The following SPAST variants were observed in gnomAD, a reference collection of about 807,000 sequenced individuals.
The protein encoded by SPAST is spastin.
In SPAST, 30 loss-of-function variants were observed where a neutral mutation model predicts 76.6. The ratio of observed to expected loss-of-function variants is 0.39; its 90% CI spans 0.29 to 0.53. SPAST has a LOEUF of 0.53. SPAST is among the 20% of genes least tolerant of loss of function. SPAST has a pLI of 0.68. For missense variants in SPAST, 717 were observed against 770.5 expected, an observed-to-expected ratio of 0.93 and a Z score of 0.82; for synonymous variants, 305 against 281.0, an observed-to-expected ratio of 1.09 and a Z score of -0.86.
chr2:32,089,199 A>ATT (rs375585004), intron 2 of SPAST, among the ~76,000 whole-genome samples: 5 of 89,910 alleles, frequency 5.6e-5, no homozygotes, highest in Non-Finnish European at 4.7e-5. Context: ...TGCTCGGCTA[A>ATT]TTTTTTTTTT....
At chr2:32,135,431 G>C (rs1223527281) in intron 9 of SPAST, among the ~76,000 whole-genome samples, 2 of 152,048 alleles carry the variant, frequency 1.3e-5, no homozygotes, top group Non-Finnish European at 1.5e-5. Context: ...GCCCGGCCTA[G>C]AATATTTGTT....
intron 12 of SPAST, among the ~76,000 whole-genome samples, chr2:32,140,732 C>T (rs1021555042): frequency 4.0e-5 from 6 of 151,698 alleles, no homozygotes; most frequent in African/African-American, 7.3e-5. Context: ...GCCTCGCCAA[C>T]GTGGCAAAAC....
At chr2:32,098,212 T>C (rs1677993777) in intron 3 of SPAST, among the ~76,000 whole-genome samples, 1 of 152,076 alleles carries the variant, frequency 6.6e-6, no homozygotes, top group African/African-American at 2.4e-5. Flanking sequence ...ATGTCTGTAA[T>C]CCCTGCACTT....
intron 4 of SPAST, among the ~76,000 whole-genome samples, chr2:32,107,869 C>T (rs1458228689): frequency 6.6e-6 from 1 of 152,118 alleles, no homozygotes; most frequent in Admixed American, 6.5e-5. Context: ...TTATTAGTGT[C>T]ACTCACTTCT....
intron 12 of SPAST, 127 bp from the exon 13 acceptor site, chr2:32,141,777 C>T (rs976925999): frequency 1.4e-6 from 1 of 700,158 alleles, no homozygotes; most frequent in African/African-American, 1.8e-5. Flanking sequence ...AATATTTTTA[C>T]ATTGATAACT....
At chr2:32,147,781 A>G (rs1297049917) in intron 16 of SPAST, among the ~76,000 whole-genome samples, 2 of 150,986 alleles carry the variant, frequency 1.3e-5, no homozygotes, top group Non-Finnish European at 2.9e-5. Flanking sequence ...ACAGGCGCCC[A>G]CCACCACGCC....
chr2:32,151,373 C>T (rs141173067), intron 16 of SPAST, among the ~76,000 whole-genome samples: 5 of 152,068 alleles, frequency 3.3e-5, no homozygotes, highest in South Asian at 4.1e-4. Context: ...GTAGCTGGCA[C>T]GTAGTAAACA....
rs769703341 is a variant in SPAST at position 32,136,551 on chromosome 2, G to A, written c.1246-12G>A. On this transcript the variant is annotated splice_polypyrimidine_tract_variant and intron_variant, in intron 9 of 16. Transcript: ENST00000315285. ...CATTTTATGTGTATAACAGTATAATGCTTTGTTTTAGGTGGGAGAAGGAGA... is the reference window on the plus strand; with the variant it reads ...CATTTTATGTGTATAACAGTATAATACTTTGTTTTAGGTGGGAGAAGGAGA... The A allele has an allele frequency of 6.9e-6, 11 of 1,601,768 alleles. No homozygotes were observed. Among genetic ancestry groups the A allele is most frequent in the Non-Finnish European group, 8.6e-7 (1 of 1,168,916 alleles).
At chr2:32,115,634 G>C in intron 5 of SPAST, 68 bp from the exon 6 acceptor site, 2 of 1,234,970 alleles carry the variant, frequency 1.6e-6, no homozygotes, top group South Asian at 1.4e-5. Context: ...GAACTTTAAG[G>C]TTAACTTATT....
intron 1 of SPAST, among the ~76,000 whole-genome samples, chr2:32,071,452 A>G (rs1463269927): frequency 6.6e-6 from 1 of 152,236 alleles, no homozygotes; most frequent in Non-Finnish European, 1.5e-5. Flanking sequence ...CAATGAAAAG[A>G]GTCAAACTCT....
intron 4 of SPAST, among the ~76,000 whole-genome samples, chr2:32,104,518 C>T (rs1039546576): frequency 1.8e-4 from 27 of 152,226 alleles, no homozygotes; most frequent in African/African-American, 5.8e-4. Flanking sequence ...TTATTTTGCT[C>T]GTTAGTTGAT....
At chr2:32,072,014 T>A (rs546094348) in intron 1 of SPAST, among the ~76,000 whole-genome samples, 37 of 152,274 alleles carry the variant, frequency 2.4e-4, no homozygotes, top group African/African-American at 8.7e-4. Context: ...AGAAATATAA[T>A]TTAGGGTAAA....
At chr2:32,070,651 A>G (rs151085666) in intron 1 of SPAST, among the ~76,000 whole-genome samples, 2 of 152,206 alleles carry the variant, frequency 1.3e-5, no homozygotes, top group African/African-American at 2.4e-5. Flanking sequence ...ACATTTTGAG[A>G]CAGGGCCTTG....
intron 1 of SPAST, among the ~76,000 whole-genome samples, chr2:32,083,774 ATAT>A (rs1186248856): frequency 1.5e-4 from 8 of 54,356 alleles, no homozygotes; most frequent in Admixed American, 2.4e-4. Flanking sequence ...ATATATATAT[ATAT>A]TTTTTTTTTT....
At chr2:32,120,211 T>C (rs923793640) in intron 7 of SPAST, among the ~76,000 whole-genome samples, 1 of 152,112 alleles carries the variant, frequency 6.6e-6, no homozygotes, top group Non-Finnish European at 1.5e-5. Context: ...ATGTTAGAAC[T>C]TACCTCTTTA....
At chr2:32,113,879 T>C (rs1037304717) in intron 4 of SPAST, among the ~76,000 whole-genome samples, 1 of 152,032 alleles carries the variant, frequency 6.6e-6, no homozygotes, top group Non-Finnish European at 1.5e-5. Flanking sequence ...TCATAACCTT[T>C]TTATATTGTC....
chr2:32,072,665 T>A (rs1676799806), intron 1 of SPAST, among the ~76,000 whole-genome samples: 1 of 152,190 alleles, frequency 6.6e-6, no homozygotes, highest in South Asian at 2.1e-4. Context: ...ATTATCATAT[T>A]TCATAATTCT....
intron 7 of SPAST, among the ~76,000 whole-genome samples, chr2:32,118,305 A>T (rs1678910103): frequency 6.6e-6 from 1 of 152,214 alleles, no homozygotes. Flanking sequence ...ACTAGAACTT[A>T]CTGAATATTT....
intron 15 of SPAST, among the ~76,000 whole-genome samples, chr2:32,146,378 G>A (rs1479505718): frequency 6.6e-6 from 1 of 152,006 alleles, no homozygotes; most frequent in Non-Finnish European, 1.5e-5. Flanking sequence ...GGGCAACATA[G>A]GGAGATCCTG....
Sources: gnomAD v4.1 joint callset for allele counts (sites outside exome capture counted in the v4.1 genomes callset) on GRCh38, gnomAD v4.1.1 for gene constraint, MANE v1.5 for transcripts, NCBI Gene and HGNC (gene_info 2026-07-23, HGNC 2026-07-21) for gene names.